ZNF407: variants seen among roughly 807,000 people sequenced by gnomAD.
The protein encoded by ZNF407 is zinc finger protein 407.
A neutral mutation model predicts 131.2 loss-of-function variants in ZNF407; 17 were observed. That is an observed-to-expected ratio of 0.13 (90% CI 0.09 to 0.19). ZNF407 has a LOEUF of 0.19. Ranked by LOEUF, ZNF407 falls within the 10% of genes least tolerant of loss-of-function variation. The pLI, the probability that ZNF407 is intolerant of heterozygous loss-of-function variation, is 1.00. For missense variants in ZNF407, 2,681 were observed against 2,830.6 expected, an observed-to-expected ratio of 0.95 and a Z score of 1.20; for synonymous variants, 1,156 against 1,062.0, an observed-to-expected ratio of 1.09 and a Z score of -1.72.
At chr18:75,024,284 A>G (rs1973145919) in intron 8 of ZNF407, among the ~76,000 whole-genome samples, 1 of 152,198 alleles carries the variant, frequency 6.6e-6, no homozygotes, top group African/African-American at 2.4e-5. Context: ...AGGACTGATT[A>G]ACTTACTCGC....
intron 3 of ZNF407, among the ~76,000 whole-genome samples, chr18:74,739,011 A>G (rs1350847195): frequency 6.6e-6 from 1 of 152,094 alleles, no homozygotes; most frequent in Non-Finnish European, 1.5e-5. Context: ...AGAATATTAT[A>G]TCTCAGTGTT....
chr18:74,690,425 G>A (rs1236650514), intron 3 of ZNF407, among the ~76,000 whole-genome samples: 1 of 148,200 alleles, frequency 6.7e-6, no homozygotes, highest in Non-Finnish European at 1.5e-5. Flanking sequence ...CATCCAGCTG[G>A]ATTAGTTTTT....
At chr18:74,922,032 TA>T (rs1292812311) in intron 8 of ZNF407, among the ~76,000 whole-genome samples, 1 of 152,222 alleles carries the variant, frequency 6.6e-6, no homozygotes, top group Non-Finnish European at 1.5e-5. Flanking sequence ...GTGTGTGATT[TA>T]GTAATTTTTC....
intron 8 of ZNF407, among the ~76,000 whole-genome samples, chr18:74,980,587 G>A (rs560222874): frequency 5.9e-5 from 9 of 152,238 alleles, no homozygotes; most frequent in South Asian, 2.1e-4. Context: ...GATTACAGGC[G>A]TGAGCCACCC....
intron 3 of ZNF407, among the ~76,000 whole-genome samples, chr18:74,728,667 G>A (rs1968217443): frequency 6.6e-6 from 1 of 152,176 alleles, no homozygotes; most frequent in African/African-American, 2.4e-5. Context: ...AGGCTTGTGA[G>A]GAAGGTGCGA....
At chr18:75,051,295 GA>G (rs1973497373) in intron 8 of ZNF407, among the ~76,000 whole-genome samples, 1 of 152,198 alleles carries the variant, frequency 6.6e-6, no homozygotes, top group Admixed American at 6.5e-5. Flanking sequence ...GGTTTACCCA[GA>G]AACTCTTTAA....
intron 4 of ZNF407, among the ~76,000 whole-genome samples, chr18:74,816,731 A>G (rs981683346): frequency 6.6e-6 from 1 of 152,224 alleles, no homozygotes; most frequent in Non-Finnish European, 1.5e-5. Context: ...ATCTGTATAA[A>G]TTGCTGAAAG....
At chr18:74,803,613 C>T (rs1197035265) in intron 4 of ZNF407, among the ~76,000 whole-genome samples, 1 of 152,130 alleles carries the variant, frequency 6.6e-6, no homozygotes, top group African/African-American at 2.4e-5. Flanking sequence ...TCTCTGATAT[C>T]TTACTAAATT....
chr18:74,817,856 T>G lies in ZNF407; in HGVS notation c.4877+36354T>G, dbSNP rs1970288675. Among the ~76,000 whole-genome samples the G allele has an allele frequency of 2.0e-5, 3 of 152,148 alleles. No homozygotes were observed. In the South Asian group the frequency reaches 6.2e-4, roughly 32 times the overall value. On this transcript the variant is annotated intron_variant, in intron 4 of 8. Transcript: ENST00000299687. The stretch of plus-strand genomic sequence containing the variant: ...TATTTTAAGTGTGACCATGAGGTGT[T>G]TTTTTGTGGACCATTTTAAAGCCAA...
chr18:74,692,136 G>T (rs1180683783), intron 3 of ZNF407, among the ~76,000 whole-genome samples: 1 of 151,482 alleles, frequency 6.6e-6, no homozygotes, highest in Non-Finnish European at 1.5e-5. Flanking sequence ...TGTGTGTGTG[G>T]AAAAAAATAT....
At chr18:74,994,951 A>T (rs1412717587) in intron 8 of ZNF407, among the ~76,000 whole-genome samples, 1 of 152,166 alleles carries the variant, frequency 6.6e-6, no homozygotes, top group Non-Finnish European at 1.5e-5. Flanking sequence ...AAGGAGACGA[A>T]ATGGTGTCCA....
chr18:75,013,726 A>G (rs1054873521), intron 8 of ZNF407, among the ~76,000 whole-genome samples: 5 of 152,076 alleles, frequency 3.3e-5, no homozygotes, highest in African/African-American at 1.2e-4. Context: ...CGGGACCACC[A>G]TGGTACCCCT....
At chr18:74,977,551 G>A (rs191065263) in intron 8 of ZNF407, among the ~76,000 whole-genome samples, 1 of 152,326 alleles carries the variant, frequency 6.6e-6, no homozygotes, top group East Asian at 1.9e-4. Context: ...CTAAACAGAT[G>A]TTAATAAAGA....
chr18:74,688,669 C>G (rs971022359), intron 3 of ZNF407, among the ~76,000 whole-genome samples: 2 of 152,048 alleles, frequency 1.3e-5, no homozygotes, highest in Non-Finnish European at 2.9e-5. Flanking sequence ...ACATTAAGGT[C>G]TGTGATTTAT....
At chr18:74,985,720 G>T (rs1297705859) in intron 8 of ZNF407, among the ~76,000 whole-genome samples, 2 of 152,174 alleles carry the variant, frequency 1.3e-5, no homozygotes, top group Non-Finnish European at 2.9e-5. Context: ...CACACGTGGG[G>T]CCCAACTCTG....
At chr18:74,674,960 C>A (rs944003704) in intron 3 of ZNF407, among the ~76,000 whole-genome samples, 1 of 152,120 alleles carries the variant, frequency 6.6e-6, no homozygotes, top group Admixed American at 6.5e-5. Flanking sequence ...CTTTGGGCAC[C>A]AGACTTGTGC....
At chr18:74,959,308 C>G (rs1395115337) in intron 8 of ZNF407, among the ~76,000 whole-genome samples, 1 of 152,136 alleles carries the variant, frequency 6.6e-6, no homozygotes, top group African/African-American at 2.4e-5. Context: ...TCATGACAAT[C>G]GTTGTTTAAG....
chr18:74,714,436 C>G (rs767508952), intron 3 of ZNF407, among the ~76,000 whole-genome samples: 4 of 152,206 alleles, frequency 2.6e-5, no homozygotes, highest in Non-Finnish European at 4.4e-5. Context: ...TTTTGCAGAT[C>G]ACTGTCATTT....
chr18:74,836,526 G>A (rs1970561946), intron 4 of ZNF407, among the ~76,000 whole-genome samples: 1 of 152,180 alleles, frequency 6.6e-6, no homozygotes, highest in Non-Finnish European at 1.5e-5. Flanking sequence ...TTCTGGCACT[G>A]GTCCAGATCT....
Sources: gnomAD v4.1 joint callset for allele counts (sites outside exome capture counted in the v4.1 genomes callset) on GRCh38, gnomAD v4.1.1 for gene constraint, MANE v1.5 for transcripts, NCBI Gene and HGNC (gene_info 2026-07-23, HGNC 2026-07-21) for gene names.